The following GRID1 variants were observed in gnomAD, a reference collection of about 807,000 sequenced individuals.
The protein encoded by GRID1 is glutamate receptor ionotropic, delta-1.
A neutral mutation model predicts 98.0 loss-of-function variants in GRID1; 28 were observed. That is an observed-to-expected ratio of 0.29 (90% CI 0.21 to 0.39). The LOEUF is 0.39. Ranked by LOEUF, GRID1 falls within the 10% of genes least tolerant of loss-of-function variation. The pLI is 1.00. For missense variants in GRID1, 1,111 were observed against 1,340.5 expected (o/e 0.83, Z 2.67); for synonymous variants, 553 against 538.5 (o/e 1.03, Z -0.37).
At chr10:85,612,461 A>G (rs1309997540) in intron 15 of GRID1, among the ~76,000 whole-genome samples, 1 of 152,184 alleles carries the variant, frequency 6.6e-6, no homozygotes, top group African/African-American at 2.4e-5. Context: ...CAGACAAAAA[A>G]CAAAACAAAA....
At chr10:85,763,326 C>A (rs145543405) in intron 8 of GRID1, among the ~76,000 whole-genome samples, 432 of 152,272 alleles carry the variant, frequency 2.8e-3, no homozygotes, top group African/African-American at 9.6e-3. Context: ...GAAGAGCAAG[C>A]AATACCATCA....
intron 2 of GRID1, among the ~76,000 whole-genome samples, chr10:86,232,466 G>A (rs181741698): frequency 1.3e-3 from 205 of 152,254 alleles, no homozygotes; most frequent in Admixed American, 2.6e-3. Context: ...GGCAGGAGTC[G>A]ATACAGCCCA....
chr10:86,047,464 G>A (rs1039199919), intron 4 of GRID1, among the ~76,000 whole-genome samples: 3 of 152,230 alleles, frequency 2.0e-5, no homozygotes, highest in Admixed American at 6.5e-5. Flanking sequence ...GATGTTAAGG[G>A]ACTTGTTGCT....
intron 3 of GRID1, among the ~76,000 whole-genome samples, chr10:86,197,087 C>T (rs1440964764): frequency 1.3e-5 from 2 of 151,916 alleles, no homozygotes; most frequent in African/African-American, 4.8e-5. Context: ...TGGGGAAAGA[C>T]AGACATCAAA....
At chr10:85,706,692 T>G (rs1001259293) in intron 12 of GRID1, among the ~76,000 whole-genome samples, 1 of 152,238 alleles carries the variant, frequency 6.6e-6, no homozygotes, top group East Asian at 1.9e-4. Flanking sequence ...GGAGGCATCA[T>G]GCTACCTGAC....
At position 86,137,703 on chromosome 10, in the gene GRID1, G is replaced by A. The variant is rs141905179; in HGVS notation, c.726+1116C>T. On this transcript the variant is annotated intron_variant, in intron 4 of 15. Coordinates refer to ENST00000327946, the MANE Select transcript of GRID1 (RefSeq NM_017551.3). ...GGCAACATGTTCTGGTGAAAATGCC[G>A]GGAGCCGACAGGACATCACAGCCTG... Among the ~76,000 whole-genome samples, 389 of 152,200 alleles carry A rather than the reference G, an allele frequency of 2.6e-3. 3 individuals carry two copies. Among genetic ancestry groups the A allele is most frequent in the African/African-American group, 8.9e-3 (368 of 41,518 alleles).
At chr10:86,125,390 C>G (rs1295293413) in intron 4 of GRID1, among the ~76,000 whole-genome samples, 1 of 152,230 alleles carries the variant, frequency 6.6e-6, no homozygotes, top group East Asian at 1.9e-4. Flanking sequence ...TAACAACCAG[C>G]AGCAGCCTTG....
chr10:86,034,102 C>T (rs547091287), intron 4 of GRID1, among the ~76,000 whole-genome samples: 2 of 152,208 alleles, frequency 1.3e-5, no homozygotes, highest in Admixed American at 6.5e-5. Context: ...CCTACAGCTC[C>T]CGCTATGTTG....
intron 8 of GRID1, among the ~76,000 whole-genome samples, chr10:85,774,989 G>T (rs570159263): frequency 2.0e-5 from 3 of 152,006 alleles, no homozygotes; most frequent in South Asian, 2.1e-4. Flanking sequence ...TATACCCAAA[G>T]GACTATAAAT....
chr10:85,802,844 C>CACACACAA (rs1842589618), intron 8 of GRID1, among the ~76,000 whole-genome samples: 1 of 116,452 alleles, frequency 8.6e-6, no homozygotes, highest in African/African-American at 4.0e-5. Flanking sequence ...AATAAACACA[C>CACACACAA]ACACACACAC....
chr10:86,082,659 G>T (rs1843993625), intron 4 of GRID1, among the ~76,000 whole-genome samples: 1 of 152,104 alleles, frequency 6.6e-6, no homozygotes, highest in Non-Finnish European at 1.5e-5. Context: ...TAAAGCACAG[G>T]CTCCTTCACA....
chr10:86,247,700 G>T (rs1478446482), intron 2 of GRID1, among the ~76,000 whole-genome samples: 2 of 152,142 alleles, frequency 1.3e-5, no homozygotes, highest in Non-Finnish European at 2.9e-5. Context: ...GGGATTGAGA[G>T]GGGGAAGTGC....
At chr10:85,954,077 C>T (rs1385299229) in intron 4 of GRID1, among the ~76,000 whole-genome samples, 3 of 152,148 alleles carry the variant, frequency 2.0e-5, no homozygotes, top group African/African-American at 7.2e-5. Flanking sequence ...GAGTCTATTA[C>T]TGTTTAACAA....
At chr10:85,618,241 G>T (rs1329228464) in intron 14 of GRID1, among the ~76,000 whole-genome samples, 2 of 152,138 alleles carry the variant, frequency 1.3e-5, no homozygotes, top group Non-Finnish European at 2.9e-5. Context: ...CCTCGCTGGG[G>T]CCCCTGTGCT....
At chr10:86,092,840 T>C (rs922974105) in intron 4 of GRID1, among the ~76,000 whole-genome samples, 2 of 152,102 alleles carry the variant, frequency 1.3e-5, no homozygotes, top group African/African-American at 4.8e-5. Context: ...AGACCGAAAG[T>C]CAACAAAGAA....
intron 2 of GRID1, among the ~76,000 whole-genome samples, chr10:86,226,259 T>C (rs987721924): frequency 3.3e-5 from 5 of 151,572 alleles, no homozygotes; most frequent in Non-Finnish European, 7.4e-5. Flanking sequence ...TGCAAAGCTA[T>C]TGAAAAGCCA....
At chr10:85,604,840 C>T (rs1352665096) in intron 15 of GRID1, among the ~76,000 whole-genome samples, 4 of 152,144 alleles carry the variant, frequency 2.6e-5, no homozygotes, top group Non-Finnish European at 5.9e-5. Flanking sequence ...AGTGGCTTAG[C>T]GCCACTCAGC....
chr10:86,292,529 C>T (rs1385389486), intron 2 of GRID1, among the ~76,000 whole-genome samples: 1 of 152,244 alleles, frequency 6.6e-6, no homozygotes, highest in African/African-American at 2.4e-5. Flanking sequence ...CCCCTGGCAC[C>T]TCCTCTGGTC....
chr10:86,340,515 C>A (rs1449587708), intron 2 of GRID1, among the ~76,000 whole-genome samples: 2 of 152,174 alleles, frequency 1.3e-5, no homozygotes, highest in Non-Finnish European at 2.9e-5. Context: ...ATACAGACGT[C>A]CACAAGGGGA....
Sources: gnomAD v4.1 joint callset for allele counts (sites outside exome capture counted in the v4.1 genomes callset) on GRCh38, gnomAD v4.1.1 for gene constraint, MANE v1.5 for transcripts, NCBI Gene and HGNC (gene_info 2026-07-23, HGNC 2026-07-21) for gene names.